Variants in KRT23 observed in about 807,000 individuals in gnomAD.
KRT23 encodes keratin, type I cytoskeletal 23.
KRT23 carries 38 observed loss-of-function variants against 47.6 expected under a neutral mutation model. The ratio of observed to expected loss-of-function variants is 0.80; its 90% CI spans 0.62 to 1.05. The LOEUF is 1.05. KRT23 is among the 50% of genes least tolerant of loss of function. The probability of loss-of-function intolerance (pLI) is 0.00; values close to 1 mark genes in which losing one functional copy is unlikely to be tolerated. For synonymous variants in KRT23, 191 were observed against 199.0 expected (o/e 0.96, Z 0.34); for missense variants, 503 against 529.5 (o/e 0.95, Z 0.49).
chr17:40,924,695 C>T (rs1478974743), intron 7 of KRT23, among the ~76,000 whole-genome samples, 192 bp from the exon 8 acceptor site: 3 of 152,096 alleles, frequency 2.0e-5, no homozygotes, highest in Admixed American at 6.5e-5. Context: ...CATTGGGTAC[C>T]GCCTCCTGCT....
chr17:40,930,551 G>A (rs1292120046), intron 3 of KRT23, among the ~76,000 whole-genome samples: 1 of 151,902 alleles, frequency 6.6e-6, no homozygotes, highest in African/African-American at 2.4e-5. Flanking sequence ...GGATCACGAG[G>A]CCAAGAGATT....
At chr17:40,931,094 C>T (rs1236481645) in intron 3 of KRT23, among the ~76,000 whole-genome samples, 4 of 147,152 alleles carry the variant, frequency 2.7e-5, no homozygotes, top group African/African-American at 1.0e-4. Context: ...TCACTGCAAC[C>T]TCCACCTCCT....
chr17:40,928,378 G>T lies in KRT23; in HGVS notation c.799-18C>A. ...GCTGCAGACTGTGGGACCAAGCAAG[G>T]CAAAGGCGTCAGCATTGGGACCTCA... On this transcript the variant is annotated intron_variant, in intron 5 of 8. Coordinates refer to ENST00000209718, the MANE Select transcript of KRT23 (RefSeq NM_015515.5). 1 of 1,614,166 alleles carries T rather than the reference G, an allele frequency of 6.2e-7. No homozygotes were observed. Among genetic ancestry groups the T allele is most frequent in the South Asian group, 1.1e-5 (1 of 91,082 alleles).
At position 40,936,559 on chromosome 17, in the gene KRT23, G is replaced by A; in HGVS notation, c.45C>T (p.Phe15=). 6.6e-7 allele frequency: 1 copy of A among 1,520,578 alleles called. No homozygotes were observed. The highest frequency in any genetic ancestry group is 8.8e-7 in the Non-Finnish European group (1 of 1,137,360). The allele number at this position is 1,520,578 out of a possible 1,614,324, so 94.2% of individuals were successfully genotyped here. The change falls in exon 2 of 9, where the codon TTC becomes TTT. Residue 15 remains phenylalanine, a synonymous_variant. Transcript: ENST00000209718. ...GGCCCCAGCCACCTCCGGCGCCATG[G>A]AAGGAGGCCGAGGGGGTCTGGCTGA... ...HSFSQTPSAS[F]HGAGGGWGRP... is the part of the protein sequence containing the mutation.
Position 40,925,592 on chromosome 17 carries a change from C to T in KRT23, c.922-18G>A, listed in dbSNP as rs1409202135. ...GCAGATTTCTGAAAGAGGAAATGATCTTCTGTTAATTAACTGATGGCTTGA... is the reference window on the plus strand; with the variant it reads ...GCAGATTTCTGAAAGAGGAAATGATTTTCTGTTAATTAACTGATGGCTTGA... On this transcript the variant is annotated intron_variant, in intron 6 of 8. Transcript: ENST00000209718. 6.4e-7 allele frequency: 1 copy of T among 1,569,400 alleles called. No individual in the cohort carries two copies. Among genetic ancestry groups the T allele is most frequent in the Non-Finnish European group, 8.7e-7 (1 of 1,144,178 alleles).
intron 6 of KRT23, among the ~76,000 whole-genome samples, chr17:40,925,875 T>C (rs1378255886): frequency 2.6e-5 from 4 of 152,186 alleles, no homozygotes; most frequent in Non-Finnish European, 4.4e-5. Context: ...TGCTATCTCT[T>C]TGTATCTTCG....
chr17:40,929,232 G>A (rs1161765279), intron 4 of KRT23, among the ~76,000 whole-genome samples: 2 of 152,016 alleles, frequency 1.3e-5, no homozygotes, highest in African/African-American at 4.8e-5. Flanking sequence ...AAAGCTTTTG[G>A]GAAGCAGTTC....
At chr17:40,930,327 C>T (rs561828594) in intron 3 of KRT23, among the ~76,000 whole-genome samples, 32 of 152,122 alleles carry the variant, frequency 2.1e-4, no homozygotes, top group Non-Finnish European at 4.0e-4. Context: ...CAGTCATATA[C>T]CCATTATCTA....
intron 1 of KRT23, 162 bp from the exon 2 acceptor site, chr17:40,937,115 C>T (rs983330037): frequency 1.3e-5 from 2 of 152,462 alleles, no homozygotes; most frequent in Non-Finnish European, 2.9e-5. Flanking sequence ...TTTCCACCCC[C>T]AATAAGCCCC....
chr17:40,924,523 T>G lies in KRT23; in HGVS notation c.1143-20A>C, dbSNP rs1485047155. ...CGTGTCCTATAAAAGTGATAAAGGTTAAAGCTCACTTTAGTATTAGCAACA... is the reference window on the plus strand; with the variant it reads ...CGTGTCCTATAAAAGTGATAAAGGTGAAAGCTCACTTTAGTATTAGCAACA... On this transcript the variant is annotated intron_variant, in intron 7 of 8. Coordinates refer to ENST00000209718, the MANE Select transcript of KRT23 (RefSeq NM_015515.5). 6.2e-7 allele frequency: 1 copy of G among 1,607,188 alleles called. No homozygotes were observed. Among genetic ancestry groups the G allele is most frequent in the Non-Finnish European group, 8.5e-7 (1 of 1,174,108 alleles).
chr17:40,933,376 T>C (rs1283182968), intron 2 of KRT23, among the ~76,000 whole-genome samples: 2 of 152,236 alleles, frequency 1.3e-5, no homozygotes, highest in Non-Finnish European at 2.9e-5. Flanking sequence ...TACTTCTCCC[T>C]CCAGACCCCT....
At chr17:40,930,212 G>T (rs778735988) in intron 3 of KRT23, 116 bp from the exon 4 acceptor site, 1 of 872,086 alleles carries the variant, frequency 1.1e-6, no homozygotes, top group Non-Finnish European at 1.8e-6. Context: ...GAGAGCAAAT[G>T]AATACATATA....
chr17:40,936,761 T>C lies in KRT23; in HGVS notation c.-158A>G. 1 of 657,112 alleles carries C rather than the reference T, an allele frequency of 1.5e-6. No homozygotes were observed. The highest frequency in any genetic ancestry group is 3.3e-5 in the East Asian group (1 of 30,500). The allele number at this position is 657,112 out of a possible 1,614,324, so 40.7% of individuals were successfully genotyped here. A position where few individuals can be genotyped will look rare whatever the true frequency, so the allele number is the denominator to read the frequency against. ...AACAAGATTGTATCATTGTGCAACT[T>C]GTGTTTCCTCTTGGTCAATCCCAAA... On this transcript the variant is annotated 5_prime_UTR_variant, in exon 2 of 9. Transcript: ENST00000209718.
At chr17:40,928,637 C>T (rs754969013) in intron 4 of KRT23, 30 bp from the exon 5 acceptor site, 57 of 1,595,682 alleles carry the variant, frequency 3.6e-5, no homozygotes, top group Non-Finnish European at 4.3e-5. Flanking sequence ...GGAAATGAAC[C>T]GGCTTTGACA....
At chr17:40,923,887 A>G (rs1909073100) in intron 8 of KRT23, among the ~76,000 whole-genome samples, 1 of 152,236 alleles carries the variant, frequency 6.6e-6, no homozygotes, top group Non-Finnish European at 1.5e-5. Context: ...GAGATATTAA[A>G]GGTAATCTGA....
chr17:40,929,230 T>A (rs1362238434), intron 4 of KRT23, among the ~76,000 whole-genome samples: 1 of 152,014 alleles, frequency 6.6e-6, no homozygotes, highest in East Asian at 1.9e-4. Flanking sequence ...CCAAAGCTTT[T>A]GGGAAGCAGT....
At chr17:40,932,710 GA>G (rs1238149888) in intron 2 of KRT23, among the ~76,000 whole-genome samples, 1 of 152,194 alleles carries the variant, frequency 6.6e-6, no homozygotes, top group Admixed American at 6.5e-5. Flanking sequence ...CCTTTATTTA[GA>G]AAGCATTTTC....
chr17:40,928,707 G>A (rs999159177), intron 4 of KRT23, 100 bp from the exon 5 acceptor site: 18 of 1,114,782 alleles, frequency 1.6e-5, no homozygotes, highest in Admixed American at 2.2e-5. Context: ...TAAACATTCC[G>A]ATTATGTGGT....
In KRT23 at chr17:40,925,465, C is replaced by G; in HGVS notation, c.1031G>C (p.Arg344Pro). The G allele has an allele frequency of 6.2e-7, 1 of 1,614,144 alleles. No individual in the cohort carries two copies. The highest frequency in any genetic ancestry group is 8.5e-7 in the Non-Finnish European group (1 of 1,180,018). ...ATTGTTCTGCCGCTCCAGTTCATGGCGTAGCTGCGTCAGTTCCTCCTCATA... is the reference window on the plus strand; with the variant it reads ...ATTGTTCTGCCGCTCCAGTTCATGGGGTAGCTGCGTCAGTTCCTCCTCATA... ...SHYEEELTQL[R>P]HELERQNNEY... Residue 344 changes from arginine to proline, a missense_variant, in exon 7 of 9, where the codon CGC (arginine) becomes CCC (proline). Coordinates refer to ENST00000209718, the MANE Select transcript of KRT23 (RefSeq NM_015515.5).
Sources: gnomAD v4.1 joint callset for allele counts (sites outside exome capture counted in the v4.1 genomes callset) on GRCh38, gnomAD v4.1.1 for gene constraint, MANE v1.5 for transcripts, NCBI Gene and HGNC (gene_info 2026-07-23, HGNC 2026-07-21) for gene names.